SFXN4: variants seen among roughly 807,000 people sequenced by gnomAD.
SFXN4 encodes sideroflexin-4.
SFXN4 carries 48 observed loss-of-function variants against 54.6 expected under a neutral mutation model. The ratio of observed to expected loss-of-function variants is 0.88; its 90% CI spans 0.70 to 1.12. SFXN4 has a LOEUF of 1.12. SFXN4 is among the 50% of genes most tolerant of loss of function. The pLI, the probability that SFXN4 is intolerant of heterozygous loss-of-function variation, is 0.00. For missense variants in SFXN4, 383 were observed against 409.2 expected (o/e 0.94, Z 0.55); for synonymous variants, 130 against 145.5 (o/e 0.89, Z 0.77).
chr10:119,146,297 G>C lies in SFXN4; in HGVS notation c.875C>G (p.Thr292Ser), dbSNP rs1484536572. The change falls in exon 13 of 14, where the codon ACT becomes AGT. Residue 292 changes from threonine (T) to serine (S), a missense_variant. Thr to Ser is a moderately conservative substitution (Grantham distance 58). Coordinates refer to ENST00000355697, the MANE Select transcript of SFXN4 (RefSeq NM_213649.2). ...CACCATCAGTCCCATTGCCAGGACA[G>C]TACAAGACAGTTTCAAAATCCACAA... Reference protein sequence around the residue: ...GSLWILKLSCTVLAMGLMVPF... With the variant: ...GSLWILKLSCSVLAMGLMVPF... The C allele has an allele frequency of 6.2e-7, 1 of 1,613,828 alleles. No homozygotes were observed. The highest frequency in any genetic ancestry group is 1.1e-5 in the South Asian group (1 of 91,040).
At chr10:119,157,544 C>G in intron 9 of SFXN4, 124 bp downstream of exon 9, 1 of 771,348 alleles carries the variant, frequency 1.3e-6, no homozygotes, top group South Asian at 2.0e-5. Flanking sequence ...TTACAGGTGA[C>G]TTTTATTTCC....
Position 119,141,263 on chromosome 10 carries a change from G to T in SFXN4, c.993C>A (p.Ile331=), listed in dbSNP as rs759579123. The change falls in exon 14 of 14, where the codon ATC becomes ATA. Residue 331 remains isoleucine, a synonymous_variant. Coordinates refer to ENST00000355697, the MANE Select transcript of SFXN4 (RefSeq NM_213649.2). ...KIQSPTEETE[I]FYHRGV ...ACGCCTACACCCCTCTGTGATAAAA[G>T]ATTTCTGTTTCTTCTGTTGGAGACT... 9 of 1,612,106 alleles carry T rather than the reference G, an allele frequency of 5.6e-6. No homozygotes were observed. The highest frequency in any genetic ancestry group is 1.3e-5 in the African/African-American group (1 of 74,868).
chr10:119,143,508 A>T (rs1016022125), intron 13 of SFXN4, among the ~76,000 whole-genome samples: 1 of 151,018 alleles, frequency 6.6e-6, no homozygotes, highest in African/African-American at 2.4e-5. Flanking sequence ...GCTAATTATT[A>T]TTTTTTCTTT....
chr10:119,154,173 G>A (rs1362189502), intron 11 of SFXN4, among the ~76,000 whole-genome samples: 19 of 147,104 alleles, frequency 1.3e-4, no homozygotes, highest in African/African-American at 4.8e-4. Flanking sequence ...GCAAGACTCC[G>A]TCTCAAAAAA....
intron 12 of SFXN4, 146 bp downstream of exon 12, chr10:119,147,629 A>C (rs1391754539): frequency 3.1e-6 from 2 of 647,120 alleles, no homozygotes; most frequent in Non-Finnish European, 5.5e-6. Context: ...TGCCACAATC[A>C]ATCCGCCTGT....
At chr10:119,154,451 C>T (rs1328225768) in intron 11 of SFXN4, among the ~76,000 whole-genome samples, 1 of 152,128 alleles carries the variant, frequency 6.6e-6, no homozygotes, top group Admixed American at 6.6e-5. Flanking sequence ...CTTTGGGAGG[C>T]CACGGTGGGA....
intron 3 of SFXN4, 22 bp downstream of exon 3, chr10:119,162,318 G>A (rs377492354): frequency 1.4e-5 from 23 of 1,610,970 alleles, no homozygotes; most frequent in Non-Finnish European, 1.7e-5. Context: ...CAACCAGCCA[G>A]ACCTGAGCAC....
At chr10:119,157,842 C>T (rs555887899) in intron 8 of SFXN4, 29 bp downstream of exon 8, 4 of 1,613,208 alleles carry the variant, frequency 2.5e-6, no homozygotes, top group Non-Finnish European at 3.4e-6. Flanking sequence ...ACACAAAACC[C>T]CACACTCTCT....
At position 119,157,746 on chromosome 10, in the gene SFXN4, A is replaced by T; in HGVS notation, c.472-13T>A. ...GTGGCTTACAAGTCTAAGGAGAAAC[A>T]AAAGTACTTAATTAGCAAATATCAC... On this transcript the variant is annotated splice_polypyrimidine_tract_variant and intron_variant, in intron 8 of 13. Transcript: ENST00000355697. 1 of 1,608,166 alleles carries T rather than the reference A, an allele frequency of 6.2e-7. No individual in the cohort carries two copies. Among genetic ancestry groups the T allele is most frequent in the Non-Finnish European group, 8.5e-7 (1 of 1,177,220 alleles).
intron 11 of SFXN4, among the ~76,000 whole-genome samples, chr10:119,150,122 CTT>C (rs892020706): frequency 7.3e-5 from 11 of 151,710 alleles, no homozygotes; most frequent in African/African-American, 2.7e-4. Flanking sequence ...GTTGCAGACA[CTT>C]TATTCTTCAG....
Position 119,157,860 on chromosome 10 carries a change from A to G in SFXN4, c.471+11T>C, listed in dbSNP as rs771246867. The G allele has an allele frequency of 6.2e-7, 1 of 1,612,958 alleles. No homozygotes were observed. The highest frequency in any genetic ancestry group is 1.1e-5 in the South Asian group (1 of 91,070). Reference sequence around the variant, plus strand: ...CAAAACCCCACACTCTCTGGGTCTCATAATACTCACGTAACTTCTGTTTCC... The same window carrying G: ...CAAAACCCCACACTCTCTGGGTCTCGTAATACTCACGTAACTTCTGTTTCC... On this transcript the variant is annotated intron_variant, in intron 8 of 13. Transcript: ENST00000355697.
chr10:119,150,245 C>T (rs1847006819), intron 11 of SFXN4, among the ~76,000 whole-genome samples: 1 of 152,044 alleles, frequency 6.6e-6, no homozygotes, highest in Admixed American at 6.6e-5. Context: ...GGACTCCAGA[C>T]AGCCAGTCAG....
intron 2 of SFXN4, among the ~76,000 whole-genome samples, chr10:119,163,692 G>A (rs993956019): frequency 2.0e-5 from 3 of 151,724 alleles, no homozygotes; most frequent in East Asian, 1.9e-4. Context: ...CATGAGCCAC[G>A]GCACACGGTC....
chr10:119,146,936 TG>T (rs918605455), intron 12 of SFXN4, among the ~76,000 whole-genome samples: 1 of 151,998 alleles, frequency 6.6e-6, no homozygotes, highest in African/African-American at 2.4e-5. Context: ...GCCACACTGG[TG>T]GGGGGGATGT....
intron 13 of SFXN4, 117 bp from the exon 14 acceptor site, chr10:119,141,436 G>T: frequency 5.1e-5 from 25 of 488,034 alleles, no homozygotes; most frequent in South Asian, 1.7e-4. Context: ...TTTCAATAAT[G>T]TCTAATCTAT....
chr10:119,162,053 G>A (rs1847572063), intron 3 of SFXN4: 1 of 435,440 alleles, frequency 2.3e-6, no homozygotes, highest in Admixed American at 4.2e-5. Flanking sequence ...TCAGCTGCAG[G>A]GAATCCCCAC....
At chr10:119,143,028 G>T (rs11816612) in intron 13 of SFXN4, among the ~76,000 whole-genome samples, 1 of 151,910 alleles carries the variant, frequency 6.6e-6, no homozygotes, top group Non-Finnish European at 1.5e-5. Flanking sequence ...CACCACGCCC[G>T]GCCCCAACAG....
intron 10 of SFXN4, 85 bp downstream of exon 10, chr10:119,156,593 G>C: frequency 1.9e-6 from 2 of 1,060,904 alleles, no homozygotes; most frequent in South Asian, 1.4e-5. Context: ...TGCCAAGGGA[G>C]CCAGGTGCCT....
At position 119,147,830 on chromosome 10, in the gene SFXN4, C is replaced by T; in HGVS notation, c.763G>A (p.Val255Met). ...ATCAGAGCTGAGGTCCCAAACAGCA[C>T]TATTCTGGATGCTAGCGTTTCTCTA... The part of the protein sequence containing the change: ...AVRETLASRI[V>M]LFGTSALIPE... The change falls in exon 12 of 14, where the codon GTG becomes ATG. Residue 255 changes from valine (V) to methionine (M), a missense_variant. Coordinates refer to ENST00000355697, the MANE Select transcript of SFXN4 (RefSeq NM_213649.2). 6.2e-7 allele frequency: 1 copy of T among 1,614,146 alleles called. No homozygotes were observed. The highest frequency in any genetic ancestry group is 8.5e-7 in the Non-Finnish European group (1 of 1,180,000).
Sources: gnomAD v4.1 joint callset for allele counts (sites outside exome capture counted in the v4.1 genomes callset) on GRCh38, gnomAD v4.1.1 for gene constraint, MANE v1.5 for transcripts, NCBI Gene and HGNC (gene_info 2026-07-23, HGNC 2026-07-21) for gene names.